DAB2IP: variants seen among roughly 807,000 people sequenced by gnomAD.
DAB2IP encodes the protein DAB2 interacting protein.
DAB2IP carries 28 observed loss-of-function variants against 107.2 expected under a neutral mutation model. The observed-to-expected ratio is 0.26, with a 90% confidence interval of 0.19 to 0.36. The LOEUF (loss-of-function observed/expected upper bound fraction) is 0.36. DAB2IP is among the 10% of genes least tolerant of loss of function. The pLI is 1.00. For synonymous variants in DAB2IP, 755 were observed against 706.4 expected (o/e 1.07, Z -1.09); for missense variants, 1,400 against 1,644.7 (o/e 0.85, Z 2.57).
intron 8 of DAB2IP, among the ~76,000 whole-genome samples, chr9:121,765,129 G>A (rs1290528519): frequency 6.6e-6 from 1 of 152,212 alleles, no homozygotes; most frequent in Non-Finnish European, 1.5e-5. Context: ...CCCCTGGGCC[G>A]GTGGAGGAGA....
At chr9:121,758,656 C>T (rs1209125695) in intron 4 of DAB2IP, among the ~76,000 whole-genome samples, 2 of 152,182 alleles carry the variant, frequency 1.3e-5, no homozygotes, top group African/African-American at 4.8e-5. Context: ...AGTGAGGAGC[C>T]TGCTCGTGCA....
chr9:121,768,352 T>C (rs1015090224), intron 9 of DAB2IP, 80 bp from the exon 10 acceptor site: 10 of 1,443,278 alleles, frequency 6.9e-6, no homozygotes, highest in Non-Finnish European at 9.7e-6. Context: ...GGAAAGCGGG[T>C]GGTGGTGTCC....
chr9:121,719,522 C>CTGG (rs1830808013), intron 3 of DAB2IP, among the ~76,000 whole-genome samples: 2 of 152,144 alleles, frequency 1.3e-5, no homozygotes, highest in South Asian at 4.2e-4. Flanking sequence ...GGGAAAGGGC[C>CTGG]TGGAGCATCG....
At chr9:121,733,735 A>C (rs1193484761) in intron 3 of DAB2IP, among the ~76,000 whole-genome samples, 1 of 152,204 alleles carries the variant, frequency 6.6e-6, no homozygotes. Context: ...AGGTGGGGGC[A>C]GTTGAGCTGG....
chr9:121,575,188 C>G (rs1830027974), intron 1 of DAB2IP: 2 of 152,278 alleles, frequency 1.3e-5, no homozygotes, highest in African/African-American at 4.8e-5. Context: ...TCCTGGAGAG[C>G]CCCTCCTGAA....
chr9:121,699,420 G>T lies in DAB2IP; in HGVS notation c.324G>T (p.Gly108=). The T allele has an allele frequency of 6.8e-7, 1 of 1,465,678 alleles. No individual in the cohort carries two copies. The highest frequency in any genetic ancestry group is 9.1e-7 in the Non-Finnish European group (1 of 1,098,516). 90.8% of individuals were successfully genotyped at this position (1,465,678 alleles called of 1,614,324 possible). A position where few individuals can be genotyped will look rare whatever the true frequency, so the allele number is the denominator to read the frequency against. The change falls in exon 3 of 16, where the codon GGG becomes GGT. Residue 108 remains glycine (G), a synonymous_variant. Transcript: ENST00000408936. The surrounding 1 kb of genome is among the most constrained non-coding windows in gnomAD (Gnocchi z 6.2). ...ACAGCTTCCGCCACATCCTGCCGGG[G>T]TTCCGGAGCGCCGCCGCCGCCGCCG...
rs1207825235 is a variant in DAB2IP at position 121,736,382 on chromosome 9, A to T, written c.363-20631A>T. 6.6e-6 allele frequency among the ~76,000 whole-genome samples: 1 copy of T among 151,862 alleles called. No homozygotes were observed. Among genetic ancestry groups the T allele is most frequent in the Admixed American group, 6.5e-5 (1 of 15,286 alleles). On this transcript the variant is annotated intron_variant, in intron 3 of 15. Transcript: ENST00000408936. This position sits in a 1 kb window ranked among gnomAD's most constrained non-coding sequence, Gnocchi z 4.6. ...AGGTGGGGAAGGAGTTGCAAGGCAG[A>T]GACCCCCGAACCCCTGCTCCAGGGC...
chr9:121,648,695 T>C (rs533771643), upstream of DAB2IP, among the ~76,000 whole-genome samples: 25 of 152,300 alleles, frequency 1.6e-4, no homozygotes, highest in African/African-American at 5.8e-4. Flanking sequence ...ATTTGGGGGC[T>C]GCAGCCCTGT....
intron 1 of DAB2IP, among the ~76,000 whole-genome samples, chr9:121,588,667 C>T (rs1404800394): frequency 7.8e-6 from 1 of 127,472 alleles, no homozygotes; most frequent in Non-Finnish European, 1.8e-5. Context: ...CAGGACTGGG[C>T]AGGAGGAGGA....
At chr9:121,592,301 G>A (rs1260767433) in intron 1 of DAB2IP, among the ~76,000 whole-genome samples, 1 of 152,120 alleles carries the variant, frequency 6.6e-6, no homozygotes, top group Non-Finnish European at 1.5e-5. Flanking sequence ...TGGAGGTGGA[G>A]GCTGCAGTGA....
At chr9:121,627,128 C>G (rs1589424658) in intron 1 of DAB2IP, among the ~76,000 whole-genome samples, 1 of 56,296 alleles carries the variant, frequency 1.8e-5, no homozygotes, top group Non-Finnish European at 3.9e-5. Flanking sequence ...TCAACACACA[C>G]ACACACACAC....
chr9:121,752,424 A>G (rs1467892331), intron 3 of DAB2IP, among the ~76,000 whole-genome samples: 1 of 148,690 alleles, frequency 6.7e-6, no homozygotes, highest in African/African-American at 2.6e-5. Flanking sequence ...AGCCAGCCAG[A>G]CCCAACTTTA....
intron 1 of DAB2IP, chr9:121,598,420 C>T (rs7865907): frequency 2.0e-5 from 3 of 152,290 alleles, no homozygotes; most frequent in African/African-American, 7.2e-5. Flanking sequence ...GGGCCTGGCC[C>T]GGGACCGACC....
intron 2 of DAB2IP, among the ~76,000 whole-genome samples, chr9:121,690,965 A>G (rs945060578): frequency 8.5e-5 from 13 of 152,112 alleles, no homozygotes; most frequent in African/African-American, 2.4e-4. Context: ...TTATGTGGCT[A>G]TCCTGCCCCA....
intron 1 of DAB2IP, among the ~76,000 whole-genome samples, chr9:121,673,752 G>T (rs985280625): frequency 4.6e-5 from 7 of 152,192 alleles, no homozygotes; most frequent in African/African-American, 1.7e-4. Flanking sequence ...CGTGGGGAAG[G>T]TGTGTGGGGT....
intron 2 of DAB2IP, among the ~76,000 whole-genome samples, chr9:121,683,226 T>C (rs1263438226): frequency 6.6e-6 from 1 of 152,164 alleles, no homozygotes; most frequent in African/African-American, 2.4e-5. Flanking sequence ...CATGCTGTTC[T>C]TTCTCTCCTG....
intron 3 of DAB2IP, among the ~76,000 whole-genome samples, chr9:121,717,320 C>A (rs1463069388): frequency 2.0e-5 from 3 of 152,184 alleles, no homozygotes; most frequent in Admixed American, 6.5e-5. Flanking sequence ...ATGGCGGTGC[C>A]CACAAGCCCT....
Position 121,763,552 on chromosome 9 carries a change from C to A in DAB2IP, c.1218C>A (p.Asp406Glu), listed in dbSNP as rs370152633. 8.0e-5 allele frequency: 129 copies of A among 1,613,822 alleles called. No individual in the cohort carries two copies. The highest frequency in any genetic ancestry group is 1.3e-4 in the Admixed American group (8 of 60,010). Residue 406 changes from aspartate to glutamate, a missense_variant, in exon 7 of 16, where the codon GAC becomes GAA. Coordinates refer to ENST00000408936, the Ensembl canonical transcript of DAB2IP. Reference sequence around the variant, plus strand: ...TGTCAGAGGTGGACCGCTGCGGGGACAACGAGCACCTCATCTTCCGGGAGA... The same window carrying A: ...TGTCAGAGGTGGACCGCTGCGGGGAAAACGAGCACCTCATCTTCCGGGAGA...
chr9:121,642,027 C>CTT (rs1564128858), intron 1 of DAB2IP, among the ~76,000 whole-genome samples: 253 of 39,266 alleles, frequency 6.4e-3, no homozygotes, highest in East Asian at 0.013. Flanking sequence ...CTCTCTCTCT[C>CTT]TCTCTTTCTT....
Sources: gnomAD v4.1 joint callset for allele counts (sites outside exome capture counted in the v4.1 genomes callset) on GRCh38, gnomAD v4.1.1 for gene constraint, Gnocchi (gnomAD v3.1) non-coding constraint, MANE v1.5 for transcripts, NCBI Gene and HGNC (gene_info 2026-07-23, HGNC 2026-07-21) for gene names.